The following COL28A1 variants were observed in gnomAD, a reference collection of about 807,000 sequenced individuals.
The protein encoded by COL28A1 is collagen type XXVIII alpha 1 chain, also known as collagen alpha-1(XXVIII) chain.
COL28A1 carries 161 observed loss-of-function variants against 150.2 expected under a neutral mutation model. That is an observed-to-expected ratio of 1.07 (90% CI 0.94 to 1.22). The LOEUF is 1.22. Ranked by LOEUF, COL28A1 falls within the 50% of genes most tolerant of loss-of-function variation. The pLI, the probability that COL28A1 is intolerant of heterozygous loss-of-function variation, is 0.00. For missense variants in COL28A1, 1,617 were observed against 1,388.3 expected, an observed-to-expected ratio of 1.16 and a Z score of -2.62; for synonymous variants, 552 against 469.7, an observed-to-expected ratio of 1.18 and a Z score of -2.26.
At chr7:7,463,594 T>C (rs754951485) in intron 15 of COL28A1, among the ~76,000 whole-genome samples, 1 of 152,098 alleles carries the variant, frequency 6.6e-6, no homozygotes, top group Non-Finnish European at 1.5e-5. Flanking sequence ...GAAGGAAAGA[T>C]ACAGTCTTTT....
In COL28A1 at chr7:7,477,122, G is replaced by A; in HGVS notation, c.1223C>T (p.Pro408Leu). Reference sequence around the variant, plus strand: ...AGAAGGTATTGTTACCTTTGGTCCTGGAAATCCTTCTCCGGGTAAGCCCCT... The same window carrying A: ...AGAAGGTATTGTTACCTTTGGTCCTAGAAATCCTTCTCCGGGTAAGCCCCT... ...GERGLPGEGF[P>L]GPKGEKGSEG... Residue 408 changes from proline to leucine, a missense_variant, in exon 14 of 35, where the codon CCA becomes CTA. Transcript: ENST00000399429. 7.9e-7 allele frequency: 1 copy of A among 1,258,770 alleles called. No individual in the cohort carries two copies. The highest frequency in any genetic ancestry group is 1.2e-5 in the South Asian group (1 of 84,082). 78.0% of individuals were successfully genotyped at this position (1,258,770 alleles called of 1,614,324 possible).
At chr7:7,490,402 T>C (rs1779852529) in intron 12 of COL28A1, among the ~76,000 whole-genome samples, 176 bp downstream of exon 12, 2 of 152,238 alleles carry the variant, frequency 1.3e-5, no homozygotes, top group South Asian at 4.1e-4. Flanking sequence ...TAATTATTCT[T>C]GTGGTAACTG....
At chr7:7,366,830 G>C (rs187973803) in intron 33 of COL28A1, among the ~76,000 whole-genome samples, 7 of 152,316 alleles carry the variant, frequency 4.6e-5, no homozygotes, top group Middle Eastern at 3.4e-3. Flanking sequence ...GCTCAGGAAG[G>C]ATCTGAGAAT....
intron 15 of COL28A1, among the ~76,000 whole-genome samples, chr7:7,457,837 G>A (rs577806990): frequency 1.3e-5 from 2 of 152,274 alleles, no homozygotes; most frequent in Admixed American, 6.5e-5. Context: ...ATTGACCGCT[G>A]GATTGAGTAA....
intron 5 of COL28A1, 151 bp from the exon 6 acceptor site, chr7:7,520,266 T>C (rs953973798): frequency 1.2e-5 from 6 of 508,634 alleles, no homozygotes; most frequent in Non-Finnish European, 2.1e-5. Flanking sequence ...CTTCTCCCTT[T>C]TTCTACACCA....
intron 25 of COL28A1, among the ~76,000 whole-genome samples, chr7:7,427,113 A>C (rs1431170039): frequency 6.6e-6 from 1 of 152,220 alleles, no homozygotes; most frequent in Non-Finnish European, 1.5e-5. Context: ...AACAGCAAGG[A>C]GAGATGAAAG....
At position 7,397,883 on chromosome 7, in the gene COL28A1, C is replaced by G. The variant is rs535005795; in HGVS notation, c.2137-16271G>C. Among the ~76,000 whole-genome samples the G allele has an allele frequency of 1.8e-4, 27 of 152,296 alleles. No individual in the cohort carries two copies. In the South Asian group the frequency reaches 4.6e-3, roughly 26 times the overall value. ...CAAAACAAGTGCCTCCTACTCTCAT[C>G]GCATAATGAAGAATCCCTTCACCTG... On this transcript the variant is annotated intron_variant, in intron 27 of 34. Coordinates refer to ENST00000399429, the MANE Select transcript of COL28A1 (RefSeq NM_001037763.3).
At position 7,381,552 on chromosome 7, in the gene COL28A1, C is replaced by G. The variant is rs1392286471; in HGVS notation, c.2197G>C (p.Gly733Arg). The G allele has an allele frequency of 1.2e-6, 2 of 1,613,254 alleles. No homozygotes were observed. The highest frequency in any genetic ancestry group is 1.3e-5 in the African/African-American group (1 of 74,924). ...PKGTMGHGLP[G>R]QKGEHGERGD... ...GATCCTGAGACACTTACCTTCTGGC[C>G]TGGGAGGCCATGGCCCATTGTGCCC... The change falls in exon 28 of 35, where the codon GGC (glycine) becomes CGC (arginine). Residue 733 changes from glycine to arginine, a missense_variant. Coordinates refer to ENST00000399429, the MANE Select transcript of COL28A1 (RefSeq NM_001037763.3).
chr7:7,452,441 T>A, intron 17 of COL28A1, 54 bp from the exon 18 acceptor site: 2 of 1,557,158 alleles, frequency 1.3e-6, no homozygotes, highest in East Asian at 4.7e-5. Flanking sequence ...ATATTCCTGC[T>A]GTTGATCTCC....
rs1562507864 is a variant in COL28A1, at chr7:7,381,536, ACACTT to A, written c.2205+3_2205+7del. On this transcript the variant is annotated splice_donor_5th_base_variant and intron_variant, in intron 28 of 34. Coordinates refer to ENST00000399429, the MANE Select transcript of COL28A1 (RefSeq NM_001037763.3). ...CTAAGCATTTCTCTAAGATCCTGAGACACTTACCTTCTGGCCTGGGAGGCCATGGC... is the reference window on the plus strand; with the variant it reads ...CTAAGCATTTCTCTAAGATCCTGAGAACCTTCTGGCCTGGGAGGCCATGGC... 1 of 1,609,976 alleles carries A rather than the reference ACACTT, an allele frequency of 6.2e-7. No homozygotes were observed. The highest frequency in any genetic ancestry group is 1.1e-5 in the South Asian group (1 of 90,852).
chr7:7,360,313 C>G, intron 34 of COL28A1, 77 bp downstream of exon 34: 21 of 1,378,094 alleles, frequency 1.5e-5, no homozygotes, highest in Non-Finnish European at 1.9e-5. Context: ...ATTGGCAGAT[C>G]TCTCTTTCCT....
Position 7,511,128 on chromosome 7 carries a change from C to T in COL28A1, c.890G>A (p.Arg297His), listed in dbSNP as rs76334274. The T allele has an allele frequency of 1.7e-5, 28 of 1,611,558 alleles. No individual in the cohort carries two copies. The highest frequency in any genetic ancestry group is 1.2e-4 in the South Asian group (11 of 90,982). ...TATCCCTGGTTTACCACATTCCCCA[C>T]GTTCACCCTAAAAAATAAATAAGTG... ...IPGYKGDKGE[R>H]GECGKPGIKG... is the part of the protein sequence containing the mutation. Residue 297 changes from arginine (R) to histidine (H), a missense_variant, in exon 9 of 35, where the codon CGT becomes CAT. Physicochemically the swap from Arg to His is conservative, Grantham distance 29. Coordinates refer to ENST00000399429, the MANE Select transcript of COL28A1 (RefSeq NM_001037763.3).
At chr7:7,376,549 CT>C (rs941280541) in intron 30 of COL28A1, among the ~76,000 whole-genome samples, 1 of 152,032 alleles carries the variant, frequency 6.6e-6, no homozygotes, top group African/African-American at 2.4e-5. Context: ...CAACAGTCTT[CT>C]TTTTTTCTAG....
At chr7:7,510,732 A>G (rs964352856) in intron 9 of COL28A1, among the ~76,000 whole-genome samples, 2 of 152,222 alleles carry the variant, frequency 1.3e-5, no homozygotes, top group Non-Finnish European at 2.9e-5. Flanking sequence ...TATTTTGGAA[A>G]GTGCCTGTTT....
the COL28A1 span, among the ~76,000 whole-genome samples, chr7:7,543,328 G>A: frequency 6.6e-6 from 1 of 152,192 alleles, no homozygotes; most frequent in Admixed American, 6.5e-5. Context: ...GTTTGTCAAT[G>A]ATATAAGCAA....
intron 14 of COL28A1, among the ~76,000 whole-genome samples, chr7:7,476,633 G>C (rs1459758739): frequency 6.6e-6 from 1 of 152,130 alleles, no homozygotes; most frequent in Non-Finnish European, 1.5e-5. Context: ...GGAAATGACA[G>C]GAAATTCTCA....
intron 15 of COL28A1, among the ~76,000 whole-genome samples, chr7:7,457,714 G>T (rs1017080078): frequency 2.6e-5 from 4 of 152,206 alleles, no homozygotes; most frequent in Non-Finnish European, 5.9e-5. Flanking sequence ...AGTCACAGCA[G>T]TGGAGACTGA....
intron 27 of COL28A1, among the ~76,000 whole-genome samples, chr7:7,413,786 G>A (rs1002524218): frequency 6.6e-6 from 1 of 152,144 alleles, no homozygotes; most frequent in African/African-American, 2.4e-5. Context: ...TGGGTGGGTG[G>A]GTCAGTCATA....
intron 13 of COL28A1, 34 bp from the exon 14 acceptor site, chr7:7,477,214 G>C: frequency 1.1e-6 from 1 of 892,678 alleles, no homozygotes; most frequent in Non-Finnish European, 1.9e-6. Flanking sequence ...GGAGCAGGAG[G>C]AGAGAGAAAA....
Sources: allele counts gnomAD v4.1 joint callset (sites outside exome capture counted in the v4.1 genomes callset), GRCh38; gene constraint gnomAD v4.1.1; transcripts MANE v1.5; gene names NCBI Gene and HGNC (gene_info 2026-07-23, HGNC 2026-07-21).